The following TATDN1 variants were observed in gnomAD, a reference collection of about 807,000 sequenced individuals.
The protein encoded by TATDN1 is TatD DNase domain containing 1, also known as deoxyribonuclease TATDN1.
TATDN1 carries 40 observed loss-of-function variants against 46.4 expected under a neutral mutation model. That is an observed-to-expected ratio of 0.86 (90% CI 0.67 to 1.12). The LOEUF is 1.12. Ranked by LOEUF, TATDN1 falls within the 50% of genes most tolerant of loss-of-function variation. The pLI, the probability that TATDN1 is intolerant of heterozygous loss-of-function variation, is 0.00. For missense variants in TATDN1, 326 were observed against 348.4 expected, an observed-to-expected ratio of 0.94 and a Z score of 0.51; for synonymous variants, 95 against 105.6, an observed-to-expected ratio of 0.90 and a Z score of 0.62.
At chr8:124,514,128 C>G (rs1819258583) in intron 6 of TATDN1, among the ~76,000 whole-genome samples, 1 of 152,130 alleles carries the variant, frequency 6.6e-6, no homozygotes, top group Non-Finnish European at 1.5e-5. Flanking sequence ...CCATCCTATT[C>G]TACTTGGTTA....
intron 11 of TATDN1, among the ~76,000 whole-genome samples, chr8:124,492,521 T>TA (rs1817100614): frequency 6.6e-6 from 1 of 152,036 alleles, no homozygotes; most frequent in African/African-American, 2.4e-5. Flanking sequence ...CCTGTAATCC[T>TA]AGCACTTTGG....
rs138776587 is a variant in TATDN1 at position 124,530,006 on chromosome 8, G to A, written c.23-7004C>T. ...CTTGGGATGCTGAGGCAGGAGAATC[G>A]CTTGAACCCGGGAGGCGGAGGTTAT... On this transcript the variant is annotated intron_variant, in intron 1 of 11. Coordinates refer to ENST00000276692, the MANE Select transcript of TATDN1 (RefSeq NM_032026.4). 4.6e-4 allele frequency among the ~76,000 whole-genome samples: 70 copies of A among 152,168 alleles called. 1 individual carries two copies. In the East Asian group the frequency reaches 0.011, roughly 24 times the overall value.
At chr8:124,500,733 G>C (rs1338410829) in intron 9 of TATDN1, among the ~76,000 whole-genome samples, 2 of 143,184 alleles carry the variant, frequency 1.4e-5, no homozygotes, top group Non-Finnish European at 3.0e-5. Flanking sequence ...GTAAAATAAA[G>C]ATCTTCTACC....
chr8:124,531,055 G>A (rs1265011870), intron 1 of TATDN1, among the ~76,000 whole-genome samples: 2 of 152,060 alleles, frequency 1.3e-5, no homozygotes, highest in African/African-American at 2.4e-5. Context: ...TTTAACTGAT[G>A]TCTCTTCCAC....
At chr8:124,495,242 T>C in intron 10 of TATDN1, 1 of 511,616 alleles carries the variant, frequency 2.0e-6, no homozygotes, top group Non-Finnish European at 3.4e-6. Context: ...TTCTGGCATC[T>C]CATTTTCTAA....
intron 9 of TATDN1, among the ~76,000 whole-genome samples, chr8:124,497,629 A>G (rs1381917729): frequency 6.6e-6 from 1 of 152,072 alleles, no homozygotes; most frequent in Non-Finnish European, 1.5e-5. Context: ...TACCATCTAC[A>G]GGCTGGATAG....
chr8:124,515,887 C>T lies in TATDN1; in HGVS notation c.346G>A (p.Asp116Asn). ...TCTAAGAGGCGAGGCTGGCACTCAC[C>T]AAGTCCGCATTCTCCTATTGCCACA... Reference protein sequence around the residue: ...KVVAIGECGLDFDRLQFCPKD... With the variant: ...KVVAIGECGLNFDRLQFCPKD... The change falls in exon 5 of 12, where the codon GAT becomes AAT. Residue 116 changes from aspartate to asparagine, a missense_variant and splice_region_variant. Transcript: ENST00000276692. 1 of 1,613,974 alleles carries T rather than the reference C, an allele frequency of 6.2e-7. No individual in the cohort carries two copies. The highest frequency in any genetic ancestry group is 1.1e-5 in the South Asian group (1 of 91,028).
chr8:124,518,980 T>C (rs1819797539), intron 3 of TATDN1, 99 bp from the exon 4 acceptor site: 1 of 786,978 alleles, frequency 1.3e-6, no homozygotes, highest in East Asian at 2.5e-5. Flanking sequence ...CAGAATGCTC[T>C]TTCCTCTGTG....
intron 3 of TATDN1, among the ~76,000 whole-genome samples, chr8:124,520,563 T>C (rs1819943923): frequency 6.6e-6 from 1 of 152,018 alleles, no homozygotes; most frequent in East Asian, 1.9e-4. Flanking sequence ...TAACCAAGTA[T>C]ACTTTTTATT....
At chr8:124,502,789 C>T (rs544512824) in intron 9 of TATDN1, among the ~76,000 whole-genome samples, 6 of 152,240 alleles carry the variant, frequency 3.9e-5, no homozygotes, top group Non-Finnish European at 5.9e-5. Flanking sequence ...ATTTACTTGG[C>T]TTTCTTAAAC....
chr8:124,497,447 G>A (rs543291873), intron 9 of TATDN1, among the ~76,000 whole-genome samples: 18 of 151,990 alleles, frequency 1.2e-4, no homozygotes, highest in Admixed American at 9.2e-4. Context: ...CACCACGCCC[G>A]GCTCATTTTT....
chr8:124,492,133 C>A (rs1817060815), intron 11 of TATDN1, among the ~76,000 whole-genome samples: 1 of 152,096 alleles, frequency 6.6e-6, no homozygotes, highest in Admixed American at 6.5e-5. Flanking sequence ...CGCCATGACG[C>A]CTGGCTAATT....
chr8:124,496,624 T>C (rs1817491408), intron 9 of TATDN1, among the ~76,000 whole-genome samples: 1 of 152,232 alleles, frequency 6.6e-6, no homozygotes. Flanking sequence ...CAAATACACA[T>C]TAAAATCCCA....
intron 8 of TATDN1, among the ~76,000 whole-genome samples, chr8:124,506,334 CAAAAAA>C (rs56023168): frequency 5.7e-5 from 3 of 52,526 alleles, no homozygotes; most frequent in African/African-American, 2.1e-4. Context: ...GGCTCTGTCT[CAAAAAA>C]AAAAAAAAAA....
chr8:124,518,675 T>G, intron 4 of TATDN1, 143 bp downstream of exon 4: 1 of 637,140 alleles, frequency 1.6e-6, no homozygotes, highest in East Asian at 2.7e-5. Context: ...TTTTGTCATC[T>G]TAATCATGTC....
chr8:124,529,016 A>C (rs181923089), intron 1 of TATDN1, among the ~76,000 whole-genome samples: 1 of 152,330 alleles, frequency 6.6e-6, no homozygotes, highest in Admixed American at 6.5e-5. Context: ...GCAAACCTAG[A>C]TAACGGACAC....
At chr8:124,495,647 AAC>A in intron 9 of TATDN1, 105 bp from the exon 10 acceptor site, 1 of 789,690 alleles carries the variant, frequency 1.3e-6, no homozygotes, top group Non-Finnish European at 2.0e-6. Context: ...AAAACCCTAT[AAC>A]ACTTTGTTTT....
chr8:124,490,292 T>C (rs117476400), intron 11 of TATDN1: 2,957 of 152,308 alleles, frequency 0.019, 50 homozygotes, highest in Non-Finnish European at 0.023. Context: ...GGCAGGCAGA[T>C]TGAACTCAAG....
chr8:124,492,481 C>CA (rs1350145546), intron 11 of TATDN1, among the ~76,000 whole-genome samples: 4 of 151,990 alleles, frequency 2.6e-5, no homozygotes, highest in African/African-American at 9.7e-5. Flanking sequence ...TTTAGTTCCC[C>CA]AAAAAATTGG....
Sources: gnomAD v4.1 joint callset for allele counts (sites outside exome capture counted in the v4.1 genomes callset) on GRCh38, gnomAD v4.1.1 for gene constraint, MANE v1.5 for transcripts, NCBI Gene and HGNC (gene_info 2026-07-23, HGNC 2026-07-21) for gene names.